ZSCAN5A: variants seen among roughly 807,000 people sequenced by gnomAD.
ZSCAN5A encodes zinc finger and SCAN domain-containing protein 5A.
Under a neutral mutation model 23.7 loss-of-function variants are expected in ZSCAN5A, and 12 were observed. That is an observed-to-expected ratio of 0.51 (90% confidence interval 0.32 to 0.82). The LOEUF is 0.82. Ranked by LOEUF, ZSCAN5A falls within the 40% of genes least tolerant of loss-of-function variation. ZSCAN5A has a pLI of 0.03. For synonymous variants in ZSCAN5A, 257 were observed against 239.9 expected (o/e 1.07, Z -0.66); for missense variants, 597 against 617.9 (o/e 0.97, Z 0.36).
chr19:56,322,017 C>T, intron 2 of ZSCAN5A: 4 of 778,034 alleles, frequency 5.1e-6, no homozygotes, highest in Non-Finnish European at 9.6e-6. Flanking sequence ...TCATCTCTTT[C>T]TACAAGGCTG....
chr19:56,227,434 G>A (rs1007356991), intron 2 of ZSCAN5A, among the ~76,000 whole-genome samples: 2 of 152,148 alleles, frequency 1.3e-5, no homozygotes, highest in Non-Finnish European at 2.9e-5. Flanking sequence ...GGCAGAGGCG[G>A]AGGTGGGAGG....
chr19:56,301,383 A>G (rs117831178), intron 2 of ZSCAN5A, among the ~76,000 whole-genome samples: 1,936 of 152,102 alleles, frequency 0.013, 14 homozygotes, highest in Non-Finnish European at 0.021. Context: ...CCATCTGTGA[A>G]CTGTCATGGT....
At chr19:56,276,367 A>G (rs1439168961) in intron 2 of ZSCAN5A, among the ~76,000 whole-genome samples, 2 of 152,178 alleles carry the variant, frequency 1.3e-5, no homozygotes, top group East Asian at 1.9e-4. Context: ...AAGAGCATTT[A>G]TCAGGGAAGA....
chr19:56,350,380 A>C (rs2041660144), intron 2 of ZSCAN5A, among the ~76,000 whole-genome samples: 1 of 152,264 alleles, frequency 6.6e-6, no homozygotes, highest in Admixed American at 6.5e-5. Flanking sequence ...AAGGATGTTT[A>C]GGACAAATCA....
chr19:56,302,088 G>A (rs1306655740), intron 2 of ZSCAN5A: 17 of 1,231,700 alleles, frequency 1.4e-5, no homozygotes, highest in Non-Finnish European at 1.6e-5. Context: ...TACAACAAAG[G>A]GGACTGGGTA....
intron 2 of ZSCAN5A, among the ~76,000 whole-genome samples, chr19:56,248,531 C>T (rs372065099): frequency 2.6e-5 from 4 of 152,080 alleles, no homozygotes; most frequent in East Asian, 1.9e-4. Context: ...AGTGCTATTA[C>T]GGGTGTGAGC....
intron 1 of ZSCAN5A, chr19:56,368,024 T>A (rs370606898): frequency 4.6e-5 from 7 of 152,340 alleles, no homozygotes; most frequent in African/African-American, 1.4e-4. Context: ...GGTACTGATA[T>A]ACGCTTCAGC....
In ZSCAN5A at chr19:56,282,130, T is replaced by C. The variant is rs576121618; in HGVS notation, c.-128+31153A>G. 7.5e-4 allele frequency among the ~76,000 whole-genome samples: 114 copies of C among 152,250 alleles called. 2 individuals are homozygous for C. In the South Asian group the frequency reaches 0.021, roughly 29 times the overall value. On this transcript the variant is annotated intron_variant, in intron 2 of 5. Coordinates refer to ENST00000683990, the MANE Select transcript of ZSCAN5A (RefSeq NM_001322064.3). ...TATGGTACAGGGTGGGTAAGACGTC[T>C]TCCTTTCCCAGAATTAACATCCAGT...
At chr19:56,293,991 C>T (rs111472874) in intron 2 of ZSCAN5A, among the ~76,000 whole-genome samples, 4,354 of 152,328 alleles carry the variant, frequency 0.029, 69 homozygotes, top group Middle Eastern at 0.071. Flanking sequence ...CTGAACACTC[C>T]CATGTCTGCA....
At chr19:56,240,891 T>TAG (rs1193181626) in intron 2 of ZSCAN5A, among the ~76,000 whole-genome samples, 3 of 152,120 alleles carry the variant, frequency 2.0e-5, no homozygotes, top group African/African-American at 7.2e-5. Flanking sequence ...TATTTTTTTG[T>TAG]AGAGATGGGG....
chr19:56,297,108 A>T (rs531736879), intron 2 of ZSCAN5A, among the ~76,000 whole-genome samples: 1 of 152,068 alleles, frequency 6.6e-6, no homozygotes, highest in African/African-American at 2.4e-5. Flanking sequence ...AGGGAACATG[A>T]CATGTGAGCA....
chr19:56,230,619 G>A (rs76194100), intron 2 of ZSCAN5A, among the ~76,000 whole-genome samples: 7,340 of 43,498 alleles, frequency 0.17, 209 homozygotes, highest in Middle Eastern at 0.23. Context: ...TTCTTGATGT[G>A]TGTGTGTGTG....
Position 56,322,203 on chromosome 19 carries a change from G to C in ZSCAN5A, c.-357-5935C>G. ...CAGTCTGCTGCTTCAACATAGACCA[G>C]GCTCATTTGTTTCCTTCTGTAATAA... is the stretch of plus-strand genomic sequence containing the variant. On this transcript the variant is annotated intron_variant, in intron 2 of 6. Coordinates refer to the ZSCAN5A transcript ENST00000587340. 3.5e-6 allele frequency: 3 copies of C among 847,352 alleles called. No individual in the cohort carries two copies. The Admixed American group carries it at 5.1e-5, about 14-fold the overall frequency. 52.5% of individuals were successfully genotyped at this position (847,352 alleles called of 1,614,324 possible).
chr19:56,329,994 C>T (rs2041475118), intron 2 of ZSCAN5A, among the ~76,000 whole-genome samples: 1 of 152,120 alleles, frequency 6.6e-6, no homozygotes, highest in African/African-American at 2.4e-5. Context: ...TTGCTTCTCC[C>T]CTCTGGTACT....
At chr19:56,302,026 G>A (rs776212392) in intron 2 of ZSCAN5A, 33 of 1,231,858 alleles carry the variant, frequency 2.7e-5, no homozygotes, top group Admixed American at 1.7e-4. Flanking sequence ...GGAAGAACAC[G>A]TGGAACTTCC....
intron 2 of ZSCAN5A, among the ~76,000 whole-genome samples, chr19:56,279,117 A>G (rs1268098964): frequency 6.6e-6 from 1 of 152,230 alleles, no homozygotes; most frequent in Non-Finnish European, 1.5e-5. Context: ...CATTGAGAAT[A>G]AACGTCTTAC....
intron 2 of ZSCAN5A, among the ~76,000 whole-genome samples, chr19:56,343,632 A>G (rs1376908831): frequency 6.6e-6 from 1 of 152,258 alleles, no homozygotes; most frequent in Non-Finnish European, 1.5e-5. Flanking sequence ...AAGGTCACAC[A>G]GGTAGTGAGT....
chr19:56,345,987 C>T (rs1168982967), intron 2 of ZSCAN5A, among the ~76,000 whole-genome samples: 1 of 152,004 alleles, frequency 6.6e-6, no homozygotes, highest in African/African-American at 2.4e-5. Flanking sequence ...GTGTCTACCC[C>T]AAGGGAGTTG....
intron 2 of ZSCAN5A, among the ~76,000 whole-genome samples, chr19:56,235,100 G>A (rs1210758103): frequency 2.4e-5 from 3 of 123,206 alleles, no homozygotes; most frequent in South Asian, 2.7e-4. Flanking sequence ...CTGATGGACG[G>A]TGGGCCAAGC....
Sources: allele counts gnomAD v4.1 joint callset (sites outside exome capture counted in the v4.1 genomes callset), GRCh38; gene constraint gnomAD v4.1.1; transcripts MANE v1.5; gene names NCBI Gene and HGNC (gene_info 2026-07-23, HGNC 2026-07-21).